DNAH10: variants seen among roughly 807,000 people sequenced by gnomAD.
The protein encoded by DNAH10 is axonemal beta dynein heavy chain 10.
A neutral mutation model predicts 506.6 loss-of-function variants in DNAH10; 348 were observed. The observed-to-expected ratio is 0.69, with a 90% CI of 0.63 to 0.75. DNAH10 has a LOEUF of 0.75. Among genes scored for constraint, DNAH10 ranks in the 30% least tolerant of loss-of-function variants. The probability of loss-of-function intolerance (pLI) is 0.00; values close to 1 mark genes in which losing one functional copy is unlikely to be tolerated. For synonymous variants in DNAH10, 2,059 were observed against 2,198.6 expected (o/e 0.94, Z 1.78); for missense variants, 5,179 against 5,787.1 (o/e 0.89, Z 3.41).
chr12:123,901,478 T>G (rs1233165094), intron 56 of DNAH10, among the ~76,000 whole-genome samples: 1 of 152,160 alleles, frequency 6.6e-6, no homozygotes, highest in African/African-American at 2.4e-5. Flanking sequence ...ACGCTGCAAG[T>G]GCCAGTGCTG....
chr12:123,792,372 C>T (rs990121802), intron 11 of DNAH10, among the ~76,000 whole-genome samples: 4 of 152,044 alleles, frequency 2.6e-5, no homozygotes, highest in Admixed American at 1.3e-4. Context: ...CATATCAGTG[C>T]CATTATTTAC....
At chr12:123,874,719 A>G (rs1952180901) in intron 46 of DNAH10, among the ~76,000 whole-genome samples, 1 of 152,184 alleles carries the variant, frequency 6.6e-6, no homozygotes. Flanking sequence ...AAATGAAGAA[A>G]GGACAAATGC....
rs1158863154 is a variant in DNAH10 at position 123,857,175 on chromosome 12, C to T, written c.6558C>T (p.Val2186=). Residue 2186 remains valine, a synonymous_variant, in exon 37 of 79, where the codon GTC becomes GTT. Coordinates refer to ENST00000673944, the MANE Select transcript of DNAH10 (RefSeq NM_001372106.1). The part of the protein sequence containing the change: ...DLFPGLDCPR[V]RYPDFNDAVE... Reference sequence around the variant, plus strand: ...TTCCTGGGCTGGACTGCCCTCGCGTCCGCTACCCTGACTTCAACGATGCGG... The same window carrying T: ...TTCCTGGGCTGGACTGCCCTCGCGTTCGCTACCCTGACTTCAACGATGCGG... 1 of 1,609,418 alleles carries T rather than the reference C, an allele frequency of 6.2e-7. No individual in the cohort carries two copies.
chr12:123,884,195 C>T lies in DNAH10; in HGVS notation c.8823+2382C>T, dbSNP rs530668907. 5.3e-5 allele frequency among the ~76,000 whole-genome samples: 8 copies of T among 152,282 alleles called. No homozygotes were observed. In the South Asian group the frequency reaches 8.3e-4, roughly 16 times the overall value. On this transcript the variant is annotated intron_variant, in intron 51 of 78. Coordinates refer to ENST00000673944, the MANE Select transcript of DNAH10 (RefSeq NM_001372106.1). ...GATTACAGGCATGTGCCACCACGCCCGGCTAACTTTTGTATTTTTACTAGA... is the reference window on the plus strand; with the variant it reads ...GATTACAGGCATGTGCCACCACGCCTGGCTAACTTTTGTATTTTTACTAGA...
chr12:123,826,411 C>G (rs1034063487), intron 24 of DNAH10, among the ~76,000 whole-genome samples: 3 of 152,174 alleles, frequency 2.0e-5, no homozygotes, highest in African/African-American at 7.2e-5. Flanking sequence ...TACTTTATAC[C>G]TCTCACTTTT....
In DNAH10 at chr12:123,929,688, T is replaced by C. The variant is rs899356483; in HGVS notation, c.12541T>C (p.Tyr4181His). ...GGTCTGCATGGAAATTCTGAACACG[T>C]ACTTAACGAAAGCCTTCCAGCAACG... is the stretch of plus-strand genomic sequence containing the variant. The part of the protein sequence containing the change: ...FQVCMEILNT[Y>H]LTKAFQQRDP... Residue 4181 changes from tyrosine to histidine, a missense_variant, in exon 72 of 79, where the codon TAC (tyrosine) becomes CAC (histidine). Around this residue, in one of 3 missense-constraint regions of DNAH10, gnomAD observed 4,844 missense variants for 5,430.5 expected, o/e 0.89. Transcript: ENST00000673944. 1 of 1,613,536 alleles carries C rather than the reference T, an allele frequency of 6.2e-7. No homozygotes were observed. Among genetic ancestry groups the C allele is most frequent in the East Asian group, 2.2e-5 (1 of 44,868 alleles).
At chr12:123,862,686 TG>T (rs1253364449) in intron 39 of DNAH10, among the ~76,000 whole-genome samples, 1 of 152,180 alleles carries the variant, frequency 6.6e-6, no homozygotes, top group African/African-American at 2.4e-5. Flanking sequence ...CCACCATGCC[TG>T]GCCGTTGAGT....
At chr12:123,881,971 T>G (rs1952530848) in intron 51 of DNAH10, 158 bp downstream of exon 51, 2 of 653,574 alleles carry the variant, frequency 3.1e-6, no homozygotes. Flanking sequence ...TTCTTGTTTT[T>G]GGCTTGATAT....
In DNAH10 at chr12:123,903,365, C is replaced by T. The variant is rs1056476896; in HGVS notation, c.9815+252C>T. 2.6e-5 allele frequency among the ~76,000 whole-genome samples: 4 copies of T among 152,202 alleles called. No individual in the cohort carries two copies. The highest frequency in any genetic ancestry group is 5.9e-5 in the Non-Finnish European group (4 of 68,034). ...GGAAGCAGGGCCTGCTGACCTTGAA[C>T]CCAGGCCAAGGGAAGGATGGAGTGG... is the stretch of plus-strand genomic sequence containing the variant. On this transcript the variant is annotated intron_variant, in intron 57 of 78. Coordinates refer to ENST00000673944, the MANE Select transcript of DNAH10 (RefSeq NM_001372106.1). This position sits in a 1 kb window ranked among gnomAD's most constrained non-coding sequence, Gnocchi z 4.6.
chr12:123,786,980 G>A (rs1313370980), intron 9 of DNAH10, among the ~76,000 whole-genome samples: 1 of 152,084 alleles, frequency 6.6e-6, no homozygotes, highest in African/African-American at 2.4e-5. Context: ...TCAACTGAAA[G>A]TACACAGAAT....
At chr12:123,868,576 C>G (rs979272439) in intron 43 of DNAH10, among the ~76,000 whole-genome samples, 1 of 152,198 alleles carries the variant, frequency 6.6e-6, no homozygotes, top group African/African-American at 2.4e-5. Context: ...CATAGGAAAT[C>G]ATACAATTAA....
At chr12:123,796,953 C>T in intron 13 of DNAH10, 121 bp downstream of exon 13, 3 of 843,948 alleles carry the variant, frequency 3.6e-6, no homozygotes, top group Non-Finnish European at 5.2e-6. Context: ...TCACTGCAAC[C>T]TCCGCCTCCC....
intron 50 of DNAH10, among the ~76,000 whole-genome samples, chr12:123,880,359 A>AGACC (rs1460703357): frequency 1.3e-5 from 2 of 151,838 alleles, no homozygotes; most frequent in Non-Finnish European, 2.9e-5. Context: ...ATTTATTTTG[A>AGACC]GACAGGGTCT....
At chr12:123,779,381 T>C (rs1957558455) in intron 5 of DNAH10, among the ~76,000 whole-genome samples, 1 of 152,148 alleles carries the variant, frequency 6.6e-6, no homozygotes, top group Non-Finnish European at 1.5e-5. Flanking sequence ...AAAGTCCTGA[T>C]GGGTCATTTC....
intron 5 of DNAH10, among the ~76,000 whole-genome samples, chr12:123,776,470 G>A (rs1957444318): frequency 6.6e-6 from 1 of 151,978 alleles, no homozygotes; most frequent in Admixed American, 6.6e-5. Flanking sequence ...ATTTGGGCCT[G>A]AGAAACTGGG....
At position 123,933,449 on chromosome 12, in the gene DNAH10, C is replaced by T; in HGVS notation, c.13415C>T (p.Thr4472Ile). Reference protein sequence around the residue: ...RKNGWPLDRSTLFTQVTKFQD... With the variant: ...RKNGWPLDRSILFTQVTKFQD... ...AACGGCTGGCCACTGGACCGCTCCA[C>T]CTTGTTCACACAAGTGACCAAGTTC... Residue 4472 changes from threonine (T) to isoleucine (I), a missense_variant, in exon 77 of 79, where the codon ACC becomes ATC. Thr to Ile is a moderately conservative substitution (Grantham distance 89, BLOSUM62 -1). This residue lies in a region of DNAH10 where 4,844 missense variants were observed against 5,430.5 expected (regional missense o/e 0.89). Transcript: ENST00000673944. 1 of 1,612,842 alleles carries T rather than the reference C, an allele frequency of 6.2e-7. No individual in the cohort carries two copies. The highest frequency in any genetic ancestry group is 8.5e-7 in the Non-Finnish European group (1 of 1,179,714).
chr12:123,790,173 CTG>C lies in DNAH10; in HGVS notation c.1815+56_1815+57del, dbSNP rs762207605. Reference sequence around the variant, plus strand: ...CTTGGGAGTCGACACCATGTTTTCTCTGTGTTAAATTTGTTGGGTTATTTAGT... The same window carrying C: ...CTTGGGAGTCGACACCATGTTTTCTCTGTTAAATTTGTTGGGTTATTTAGT... On this transcript the variant is annotated intron_variant, in intron 11 of 78. Coordinates refer to ENST00000673944, the MANE Select transcript of DNAH10 (RefSeq NM_001372106.1). The C allele has an allele frequency of 1.0e-5, 16 of 1,559,162 alleles. No individual in the cohort carries two copies. The South Asian group carries it at 1.2e-4, about 12-fold the overall frequency.
intron 13 of DNAH10, 40 bp downstream of exon 13, chr12:123,796,872 ATT>A (rs368845242): frequency 0.01 from 12,583 of 1,250,480 alleles, no homozygotes; most frequent in South Asian, 0.018. Context: ...TTTGTATTTG[ATT>A]TTTTTTTTTT....
intron 67 of DNAH10, 94 bp downstream of exon 67, chr12:123,924,526 C>A (rs1443635047): frequency 4.8e-6 from 7 of 1,468,850 alleles, no homozygotes; most frequent in East Asian, 4.8e-5. Context: ...AGAAGACACT[C>A]CTTTGAGTAA....
Sources: allele counts gnomAD v4.1 joint callset (sites outside exome capture counted in the v4.1 genomes callset), GRCh38; gene constraint gnomAD v4.1.1; regional missense constraint gnomAD v4.1.1; non-coding constraint Gnocchi (gnomAD v3.1); transcripts MANE v1.5; gene names NCBI Gene and HGNC (gene_info 2026-07-23, HGNC 2026-07-21).